CCDC91: variants seen among roughly 807,000 people sequenced by gnomAD.
CCDC91 encodes coiled-coil domain containing 91, also known as coiled-coil domain-containing protein 91.
CCDC91 carries 48 observed loss-of-function variants against 63.2 expected under a neutral mutation model. The ratio of observed to expected loss-of-function variants is 0.76; its 90% CI spans 0.60 to 0.97. CCDC91 has a LOEUF of 0.97. Among genes scored for constraint, CCDC91 ranks in the 50% least tolerant of loss-of-function variants. The pLI, the probability that CCDC91 is intolerant of heterozygous loss-of-function variation, is 0.00. For missense variants in CCDC91, 500 were observed against 494.6 expected (o/e 1.01, Z -0.10); for synonymous variants, 167 against 165.8 (o/e 1.01, Z -0.06).
intron 2 of CCDC91, among the ~76,000 whole-genome samples, chr12:28,258,809 C>G (rs1443118090): frequency 6.6e-6 from 1 of 151,996 alleles, no homozygotes; most frequent in Non-Finnish European, 1.5e-5. Context: ...TACCTACAAA[C>G]TCAGTATTCA....
At chr12:28,397,448 G>C (rs1040110397) in intron 8 of CCDC91, among the ~76,000 whole-genome samples, 1 of 152,026 alleles carries the variant, frequency 6.6e-6, no homozygotes, top group Non-Finnish European at 1.5e-5. Context: ...TTTCGGCCTA[G>C]AAGTAGAGCT....
chr12:28,504,005 C>CA (rs1938363402), intron 12 of CCDC91, among the ~76,000 whole-genome samples: 1 of 151,884 alleles, frequency 6.6e-6, no homozygotes, highest in Non-Finnish European at 1.5e-5. Context: ...TTAATGGGTA[C>CA]AGCACACCAG....
At chr12:28,481,318 A>G (rs1238530032) in intron 11 of CCDC91, among the ~76,000 whole-genome samples, 1 of 151,984 alleles carries the variant, frequency 6.6e-6, no homozygotes, top group Non-Finnish European at 1.5e-5. Flanking sequence ...GCTTACACAC[A>G]GGATGCTCCC....
chr12:28,210,639 A>G (rs966739278), intron 1 of CCDC91, among the ~76,000 whole-genome samples: 4 of 152,204 alleles, frequency 2.6e-5, no homozygotes, highest in Admixed American at 6.5e-5. Flanking sequence ...ACTTTTAAGC[A>G]TAGGACTCTT....
intron 8 of CCDC91, among the ~76,000 whole-genome samples, chr12:28,430,446 A>G (rs1432225121): frequency 6.6e-6 from 1 of 152,104 alleles, no homozygotes; most frequent in Non-Finnish European, 1.5e-5. Context: ...TATTACTAAC[A>G]TTATATTTAT....
At chr12:28,296,764 A>C (rs1037427835) in intron 3 of CCDC91, among the ~76,000 whole-genome samples, 49 of 152,072 alleles carry the variant, frequency 3.2e-4, no homozygotes, top group African/African-American at 1.2e-3. Context: ...GTGTACACTT[A>C]GTTTCAAATT....
At chr12:28,392,978 A>G (rs915606430) in intron 8 of CCDC91, among the ~76,000 whole-genome samples, 1 of 152,216 alleles carries the variant, frequency 6.6e-6, no homozygotes, top group African/African-American at 2.4e-5. Flanking sequence ...TTAGAGACAC[A>G]CAGCTATCAT....
At chr12:28,353,890 A>G (rs776125443) in intron 6 of CCDC91, among the ~76,000 whole-genome samples, 2 of 152,116 alleles carry the variant, frequency 1.3e-5, no homozygotes, top group African/African-American at 4.8e-5. Flanking sequence ...ATTGGGGCCA[A>G]TTGGAAGGTG....
At chr12:28,298,244 T>C (rs957379196) in intron 3 of CCDC91, among the ~76,000 whole-genome samples, 8 of 151,772 alleles carry the variant, frequency 5.3e-5, no homozygotes, top group Non-Finnish European at 1.0e-4. Flanking sequence ...ATAGTGCCTA[T>C]GAATTGTAAG....
In CCDC91 at chr12:28,545,576, G is replaced by T. The variant is rs548794931; in HGVS notation, c.1216-3487G>T. On this transcript the variant is annotated intron_variant, in intron 12 of 12. Transcript: ENST00000536442. ...TCGCCTTGTTGCTTCTTAAAGTATT[G>T]TGCTCCTGTTTATTTAAAGGATTCT... Among the ~76,000 whole-genome samples the T allele has an allele frequency of 7.9e-5, 12 of 152,044 alleles. 1 individual carries two copies. The highest frequency in any genetic ancestry group is 6.6e-4 in the Admixed American group (10 of 15,240).
chr12:28,290,891 T>G (rs1949207183), intron 3 of CCDC91, among the ~76,000 whole-genome samples: 1 of 152,174 alleles, frequency 6.6e-6, no homozygotes, highest in Admixed American at 6.6e-5. Flanking sequence ...TTTTGTAAAT[T>G]TTAGTTTTTT....
chr12:28,426,486 G>A (rs1258682654), intron 8 of CCDC91, among the ~76,000 whole-genome samples: 2 of 151,794 alleles, frequency 1.3e-5, no homozygotes, highest in African/African-American at 4.8e-5. Context: ...GGCTATTTTT[G>A]TTTGATTTTT....
intron 12 of CCDC91, among the ~76,000 whole-genome samples, chr12:28,502,328 C>T (rs1938025637): frequency 6.6e-6 from 1 of 151,910 alleles, no homozygotes; most frequent in Non-Finnish European, 1.5e-5. Flanking sequence ...AACTCCCATT[C>T]ACAATTTCTT....
chr12:28,439,544 C>T (rs1174884780), intron 8 of CCDC91, among the ~76,000 whole-genome samples: 1 of 152,010 alleles, frequency 6.6e-6, no homozygotes, highest in Non-Finnish European at 1.5e-5. Context: ...ACACAATACA[C>T]AAAATAATGT....
rs568567896 is a variant in CCDC91 at position 28,380,123 on chromosome 12, A to G, written c.655-11181A>G. Among the ~76,000 whole-genome samples the G allele has an allele frequency of 7.9e-4, 120 of 152,206 alleles. 1 individual carries two copies. The highest frequency in any genetic ancestry group is 2.4e-3 in the Admixed American group (36 of 15,280). ...TTCACTCATAGGTGGGAATTGAACA[A>G]TGAGATCACTTGGACACAGGAAGGG... is the stretch of plus-strand genomic sequence containing the variant. On this transcript the variant is annotated intron_variant, in intron 7 of 12. Coordinates refer to ENST00000536442, the MANE Select transcript of CCDC91 (RefSeq NM_018318.5).
intron 1 of CCDC91, among the ~76,000 whole-genome samples, chr12:28,232,678 T>G (rs567203265): frequency 6.6e-6 from 1 of 152,274 alleles, no homozygotes; most frequent in South Asian, 2.1e-4. Context: ...TTTTAAGTAA[T>G]CAAGAGTGGT....
At chr12:28,347,712 A>C (rs1942908222) in intron 6 of CCDC91, among the ~76,000 whole-genome samples, 1 of 152,228 alleles carries the variant, frequency 6.6e-6, no homozygotes, top group Non-Finnish European at 1.5e-5. Flanking sequence ...CCATGCTTCC[A>C]GCATTTGTAG....
intron 12 of CCDC91, among the ~76,000 whole-genome samples, chr12:28,503,084 G>A (rs1938173386): frequency 6.6e-6 from 1 of 152,072 alleles, no homozygotes; most frequent in East Asian, 1.9e-4. Flanking sequence ...TTGACAGATG[G>A]GATCTAATTA....
intron 1 of CCDC91, among the ~76,000 whole-genome samples, chr12:28,241,482 G>A (rs189537773): frequency 3.9e-5 from 6 of 152,216 alleles, no homozygotes; most frequent in Admixed American, 3.3e-4. Flanking sequence ...TAGGATATGA[G>A]TAGCTAATCA....
Sources: allele counts gnomAD v4.1 joint callset (sites outside exome capture counted in the v4.1 genomes callset), GRCh38; gene constraint gnomAD v4.1.1; transcripts MANE v1.5; gene names NCBI Gene and HGNC (gene_info 2026-07-23, HGNC 2026-07-21).